The following SACS variants were observed in gnomAD, a reference collection of about 807,000 sequenced individuals.
SACS encodes sacsin molecular chaperone.
SACS carries 197 observed loss-of-function variants against 348.0 expected under a neutral mutation model. The observed-to-expected ratio is 0.57, with a 90% confidence interval of 0.50 to 0.64. SACS has a LOEUF of 0.64. SACS is among the 30% of genes least tolerant of loss of function. The pLI is 0.00. For missense variants in SACS, 4,999 were observed against 5,360.8 expected, an observed-to-expected ratio of 0.93 and a Z score of 2.11; for synonymous variants, 1,985 against 1,910.6, an observed-to-expected ratio of 1.04 and a Z score of -1.02.
chr13:23,331,797 A>T lies in SACS; in HGVS notation c.12079T>A (p.Phe4027Ile). ...RIMKHENDNA[F>I]LANEEKAIRL... ...ATGGCTTTTTCTTCATTGGCCAGAA[A>T]AGCATTATCATTTTCATGCTTCATA... Residue 4027 changes from phenylalanine (F) to isoleucine (I), a missense_variant, in exon 10 of 10, where the codon TTT becomes ATT. By Grantham distance (21) the Phe-to-Ile change is conservative (BLOSUM62 0). Transcript: ENST00000382292. 6.2e-7 allele frequency: 1 copy of T among 1,614,008 alleles called. No homozygotes were observed. The highest frequency in any genetic ancestry group is 8.5e-7 in the Non-Finnish European group (1 of 1,179,960).
intron 2 of SACS, among the ~76,000 whole-genome samples, chr13:23,400,569 C>T (rs1038535079): frequency 7.2e-5 from 11 of 152,240 alleles, no homozygotes; most frequent in South Asian, 4.2e-4. Flanking sequence ...TACAGGTGCC[C>T]GCCACCACAC....
chr13:23,406,099 C>A (rs1045367598), intron 2 of SACS, among the ~76,000 whole-genome samples: 3 of 152,200 alleles, frequency 2.0e-5, no homozygotes, highest in African/African-American at 7.2e-5. Context: ...TATTGCAGCT[C>A]TGTTCACAAT....
At chr13:23,356,221 G>C (rs1298447331) in intron 7 of SACS, among the ~76,000 whole-genome samples, 1 of 152,170 alleles carries the variant, frequency 6.6e-6, no homozygotes, top group African/African-American at 2.4e-5. Flanking sequence ...CAGGCATAGA[G>C]ACTTTGCATG....
At chr13:23,358,920 C>A (rs1870562094) in intron 6 of SACS, among the ~76,000 whole-genome samples, 1 of 151,972 alleles carries the variant, frequency 6.6e-6, no homozygotes, top group Non-Finnish European at 1.5e-5. Context: ...GCTTGTAATC[C>A]CAGCATCCTA....
At chr13:23,400,876 C>T (rs1419697797) in intron 2 of SACS, among the ~76,000 whole-genome samples, 3 of 152,096 alleles carry the variant, frequency 2.0e-5, no homozygotes, top group Non-Finnish European at 4.4e-5. Context: ...TTGAGTTTTC[C>T]CATAAGGCCC....
intron 1 of SACS, among the ~76,000 whole-genome samples, chr13:23,421,832 G>A (rs984145126): frequency 1.3e-5 from 2 of 152,058 alleles, no homozygotes; most frequent in African/African-American, 4.8e-5. Flanking sequence ...GTCTACCTGG[G>A]GCTTCCTGTC....
At chr13:23,404,582 G>A (rs1353269281) in intron 2 of SACS, among the ~76,000 whole-genome samples, 2 of 152,130 alleles carry the variant, frequency 1.3e-5, no homozygotes, top group Non-Finnish European at 2.9e-5. Context: ...GGGCAATCAG[G>A]CAAGAGAAAG....
intron 9 of SACS, among the ~76,000 whole-genome samples, chr13:23,347,893 A>G (rs1376947943): frequency 1.3e-5 from 2 of 152,216 alleles, no homozygotes; most frequent in African/African-American, 4.8e-5. Context: ...GCAAATATCA[A>G]TAGAACCTTC....
At chr13:23,407,242 A>G (rs1873265181) in intron 2 of SACS, among the ~76,000 whole-genome samples, 1 of 152,190 alleles carries the variant, frequency 6.6e-6, no homozygotes, top group Non-Finnish European at 1.5e-5. Context: ...TCTGTTGTCC[A>G]GGCTGGAGTG....
At chr13:23,391,808 CTG>C (rs34660708) in intron 2 of SACS, among the ~76,000 whole-genome samples, 76,439 of 151,868 alleles carry the variant, frequency 0.5, 19,883 homozygotes, top group East Asian at 0.8. Context: ...ATCAAACTGA[CTG>C]TGACAGGTAC....
intron 1 of SACS, among the ~76,000 whole-genome samples, chr13:23,420,141 C>A (rs1331867784): frequency 6.6e-6 from 1 of 151,872 alleles, no homozygotes; most frequent in Non-Finnish European, 1.5e-5. Flanking sequence ...CACGTTGGGC[C>A]TGTGTGTCAA....
At chr13:23,432,699 T>C (rs1170474193) in intron 1 of SACS, among the ~76,000 whole-genome samples, 1 of 152,218 alleles carries the variant, frequency 6.6e-6, no homozygotes, top group African/African-American at 2.4e-5. Context: ...ATCCATGACC[T>C]GTGAATCAAT....
Position 23,335,833 on chromosome 13 carries a change from A to G in SACS, c.8043T>C (p.Val2681=). The change falls in exon 10 of 10, where the codon GTT becomes GTC. Residue 2681 remains valine (V), a synonymous_variant. Coordinates refer to ENST00000382292, the MANE Select transcript of SACS (RefSeq NM_014363.6). The surrounding 1 kb of genome is among the most constrained non-coding windows in gnomAD (Gnocchi z 4.7). ...AATGGGTTCCCAGATAAAGATCCAG[A>G]ACATCTGAGAACTGTGTCCTAAAAT... ...DADFRTQFSD[V]LDLYLGTHFK... The G allele has an allele frequency of 6.2e-7, 1 of 1,614,024 alleles. No homozygotes were observed. Among genetic ancestry groups the G allele is most frequent in the East Asian group, 2.2e-5 (1 of 44,878 alleles).
rs1883412234 is a variant in SACS at position 23,330,689 on chromosome 13, C to T, written c.13187G>A (p.Arg4396Lys). 1.2e-6 allele frequency: 2 copies of T among 1,614,044 alleles called. No homozygotes were observed. Among genetic ancestry groups the T allele is most frequent in the African/African-American group, 1.3e-5 (1 of 75,020 alleles). ...RFQSDKYSFQ[R>K]FYTSWNQEAT... ...TTCTTGATTCCATGAAGTATAGAAT[C>T]TCTGAAATGAGTATTTGTCTGACTG... The change falls in exon 10 of 10, where the codon AGA becomes AAA. Residue 4396 changes from arginine (R) to lysine (K), a missense_variant. This residue lies in a region of SACS where 254 missense variants were observed against 275.1 expected (regional missense o/e 0.92). Transcript: ENST00000382292.
intron 1 of SACS, chr13:23,428,892 T>C (rs1395402903): frequency 6.6e-6 from 1 of 152,176 alleles, no homozygotes. Flanking sequence ...AATTTACAGA[T>C]AATAAAACTA....
chr13:23,352,187 T>C (rs916775716), intron 9 of SACS, among the ~76,000 whole-genome samples: 6 of 152,134 alleles, frequency 3.9e-5, no homozygotes, highest in Non-Finnish European at 7.4e-5. Context: ...ACATCCACCT[T>C]AGAAAGGATC....
At chr13:23,396,820 T>C (rs1326765074) in intron 2 of SACS, among the ~76,000 whole-genome samples, 1 of 152,210 alleles carries the variant, frequency 6.6e-6, no homozygotes, top group Non-Finnish European at 1.5e-5. Flanking sequence ...ATATGTCTGC[T>C]AAAAACAGTT....
chr13:23,423,756 G>A (rs1303549741), intron 1 of SACS, among the ~76,000 whole-genome samples: 1 of 151,338 alleles, frequency 6.6e-6, no homozygotes, highest in Admixed American at 6.6e-5. Flanking sequence ...AAACTATTAG[G>A]CCTATATATA....
rs1001520385 is a variant in SACS at position 23,336,645 on chromosome 13, T to C, written c.7231A>G (p.Arg2411Gly). The C allele has an allele frequency of 6.2e-7, 1 of 1,613,756 alleles. No individual in the cohort carries two copies. Among genetic ancestry groups the C allele is most frequent in the Non-Finnish European group, 8.5e-7 (1 of 1,179,900 alleles). Residue 2411 changes from arginine to glycine, a missense_variant, in exon 10 of 10, where the codon AGA becomes GGA. Physicochemically the swap from Arg to Gly is moderately radical, Grantham distance 125 (BLOSUM62 -2). Transcript: ENST00000382292. ...ALVLESIDQE[R>G]GTKQITEENF... ...TCTTCTGTTATTTGCTTTGTTCCTC[T>C]TTCTTGATCAATAGATTCCAAAACA...
Sources: allele counts gnomAD v4.1 joint callset (sites outside exome capture counted in the v4.1 genomes callset), GRCh38; gene constraint gnomAD v4.1.1; regional missense constraint gnomAD v4.1.1; non-coding constraint Gnocchi (gnomAD v3.1); transcripts MANE v1.5; gene names NCBI Gene and HGNC (gene_info 2026-07-23, HGNC 2026-07-21).